ASAP1: variants seen among roughly 807,000 people sequenced by gnomAD.
The protein encoded by ASAP1 is ArfGAP with SH3 domain, ankyrin repeat and PH domain 1, also known as arf-GAP with SH3 domain, ANK repeat and PH domain-containing protein 1.
A neutral mutation model predicts 145.2 loss-of-function variants in ASAP1; 43 were observed. The observed-to-expected ratio is 0.30, with a 90% CI of 0.23 to 0.38. ASAP1 has a LOEUF of 0.38. Among genes scored for constraint, ASAP1 ranks in the 10% least tolerant of loss-of-function variants. ASAP1 has a pLI of 1.00. For missense variants in ASAP1, 1,018 were observed against 1,355.3 expected, an observed-to-expected ratio of 0.75 and a Z score of 3.91; for synonymous variants, 546 against 515.5, an observed-to-expected ratio of 1.06 and a Z score of -0.80.
chr8:130,112,395 G>T, intron 23 of ASAP1, 73 bp from the exon 24 acceptor site: 1 of 1,356,552 alleles, frequency 7.4e-7, no homozygotes, highest in Non-Finnish European at 1.0e-6. Context: ...CCTCCGCAGG[G>T]CGGGCTCAGG....
At chr8:130,402,025 G>A (rs1038525342) in intron 1 of ASAP1, 55 bp from the exon 2 acceptor site, 82 of 1,206,040 alleles carry the variant, frequency 6.8e-5, no homozygotes, top group Non-Finnish European at 9.3e-5. Flanking sequence ...AAACTGGGCA[G>A]AAGACATTGT....
chr8:130,110,154 T>G (rs2097544288), intron 24 of ASAP1, among the ~76,000 whole-genome samples: 1 of 152,196 alleles, frequency 6.6e-6, no homozygotes, highest in Non-Finnish European at 1.5e-5. Flanking sequence ...AGACAGTATA[T>G]ATTATGGGTT....
intron 3 of ASAP1, among the ~76,000 whole-genome samples, chr8:130,277,220 G>A (rs367910194): frequency 2.6e-5 from 4 of 152,112 alleles, no homozygotes; most frequent in Admixed American, 2.0e-4. Flanking sequence ...GCCAAACAGC[G>A]TCAGCGAGAA....
In ASAP1 at chr8:130,060,653, C is replaced by T. The variant is rs1309215371; in HGVS notation, c.3118G>A (p.Ala1040Thr). The T allele has an allele frequency of 6.2e-7, 1 of 1,614,142 alleles. No homozygotes were observed. The highest frequency in any genetic ancestry group is 8.5e-7 in the Non-Finnish European group (1 of 1,180,028). The part of the protein sequence containing the change: ...VQSRDAIQKQ[A>T]SEDSNDLTPT... The stretch of plus-strand genomic sequence containing the variant: ...GTGAGGTCGTTGGAGTCTTCAGATG[C>T]TTGCTTTTGGATGGCGTCTCTGGAC... Residue 1040 changes from alanine to threonine, a missense_variant, in exon 28 of 30, where the codon GCA becomes ACA. Transcript: ENST00000518721.
At chr8:130,369,923 T>A (rs1827133749) in intron 2 of ASAP1, among the ~76,000 whole-genome samples, 1 of 152,222 alleles carries the variant, frequency 6.6e-6, no homozygotes, top group South Asian at 2.1e-4. Context: ...CCTAACCCAA[T>A]GTGATGGTAT....
At chr8:130,071,167 G>C (rs1342392186) in intron 27 of ASAP1, among the ~76,000 whole-genome samples, 2 of 152,092 alleles carry the variant, frequency 1.3e-5, no homozygotes, top group Non-Finnish European at 2.9e-5. Context: ...TTTAGCTATG[G>C]GGTCTCACTG....
chr8:130,410,263 G>A (rs950301636), intron 1 of ASAP1, among the ~76,000 whole-genome samples: 2 of 152,158 alleles, frequency 1.3e-5, no homozygotes, highest in Non-Finnish European at 2.9e-5. Flanking sequence ...AAAAGGGCAC[G>A]TACTGGTACC....
intron 2 of ASAP1, among the ~76,000 whole-genome samples, chr8:130,384,955 G>A (rs1029146193): frequency 6.6e-5 from 10 of 152,184 alleles, no homozygotes; most frequent in African/African-American, 9.7e-5. Flanking sequence ...AAATAAAAGC[G>A]AGACAGTGTC....
chr8:130,111,402 A>G (rs542991190), intron 24 of ASAP1, among the ~76,000 whole-genome samples: 1 of 152,082 alleles, frequency 6.6e-6, no homozygotes, highest in Non-Finnish European at 1.5e-5. Context: ...GTTCCTTATT[A>G]GAGAGTACAA....
chr8:130,161,574 C>T (rs959191146), intron 11 of ASAP1, among the ~76,000 whole-genome samples: 4 of 152,164 alleles, frequency 2.6e-5, no homozygotes, highest in African/African-American at 9.7e-5. Context: ...GTGTAGGTAA[C>T]TGGGAGCTTA....
chr8:130,366,840 T>C (rs1366893178), intron 2 of ASAP1, among the ~76,000 whole-genome samples: 1 of 151,266 alleles, frequency 6.6e-6, no homozygotes, highest in Non-Finnish European at 1.5e-5. Context: ...AAACATTAGC[T>C]ACTAATACCA....
At chr8:130,174,968 C>T (rs1430250689) in intron 9 of ASAP1, among the ~76,000 whole-genome samples, 5 of 152,174 alleles carry the variant, frequency 3.3e-5, no homozygotes, top group Non-Finnish European at 7.3e-5. Context: ...TTCATGTACA[C>T]ATTTTATTTA....
At chr8:130,059,364 G>C (rs559727752) in intron 28 of ASAP1, among the ~76,000 whole-genome samples, 1 of 152,096 alleles carries the variant, frequency 6.6e-6, no homozygotes, top group South Asian at 2.1e-4. Context: ...CGGTTTCTCT[G>C]TATGTTGCCC....
chr8:130,366,405 T>C (rs956711964), intron 2 of ASAP1, among the ~76,000 whole-genome samples: 1 of 152,166 alleles, frequency 6.6e-6, no homozygotes, highest in Non-Finnish European at 1.5e-5. Context: ...ATGCAGAGTG[T>C]AGGTCAAATT....
At chr8:130,190,591 C>T (rs1815070920) in intron 5 of ASAP1, among the ~76,000 whole-genome samples, 1 of 152,162 alleles carries the variant, frequency 6.6e-6, no homozygotes, top group African/African-American at 2.4e-5. Context: ...GATCTCTGCT[C>T]ACTGCAATCT....
intron 25 of ASAP1, among the ~76,000 whole-genome samples, chr8:130,082,125 G>GCTCACCTC (rs2097481920): frequency 6.6e-6 from 1 of 152,144 alleles, no homozygotes; most frequent in Non-Finnish European, 1.5e-5. Flanking sequence ...CTGGCAGGGT[G>GCTCACCTC]CTCACCTCCT....
chr8:130,265,372 A>C (rs1296416884), intron 3 of ASAP1, among the ~76,000 whole-genome samples: 4 of 151,966 alleles, frequency 2.6e-5, no homozygotes, highest in Non-Finnish European at 5.9e-5. Context: ...GGAGCTTGAG[A>C]CCAGTCTGGG....
At position 130,182,664 on chromosome 8, in the gene ASAP1, TA is replaced by T. The variant is rs557891902; in HGVS notation, c.531-1785del. 2.2e-4 allele frequency among the ~76,000 whole-genome samples: 33 copies of T among 152,146 alleles called. No individual in the cohort carries two copies. The South Asian group carries it at 3.9e-3, about 18-fold the overall frequency. On this transcript the variant is annotated intron_variant, in intron 7 of 29. Coordinates refer to ENST00000518721, the MANE Select transcript of ASAP1 (RefSeq NM_018482.4). ...GAAATATGAATGCACCCAAAGATTA[TA>T]AGTCTCCAAAATGAAAGTGAGAGTG...
intron 5 of ASAP1, among the ~76,000 whole-genome samples, chr8:130,208,212 G>A (rs997348134): frequency 4.6e-5 from 7 of 152,004 alleles, no homozygotes; most frequent in South Asian, 2.1e-4. Flanking sequence ...TTATCAAAAC[G>A]AAAAAACAGA....
Sources: allele counts gnomAD v4.1 joint callset (sites outside exome capture counted in the v4.1 genomes callset), GRCh38; gene constraint gnomAD v4.1.1; transcripts MANE v1.5; gene names NCBI Gene and HGNC (gene_info 2026-07-23, HGNC 2026-07-21).